DCC: variants seen among roughly 807,000 people sequenced by gnomAD.
DCC encodes DCC netrin 1 receptor, also known as netrin receptor DCC.
DCC carries 58 observed loss-of-function variants against 172.5 expected under a neutral mutation model. The observed-to-expected ratio is 0.34, with a 90% CI of 0.27 to 0.42. The LOEUF is 0.42. Ranked by LOEUF, DCC falls within the 10% of genes least tolerant of loss-of-function variation. The pLI, the probability that DCC is intolerant of heterozygous loss-of-function variation, is 1.00. For synonymous variants in DCC, 709 were observed against 644.5 expected (o/e 1.10, Z -1.52); for missense variants, 1,740 against 1,791.0 (o/e 0.97, Z 0.51).
At chr18:52,561,203 A>T in intron 1 of DCC, among the ~76,000 whole-genome samples, 1 of 152,038 alleles carries the variant, frequency 6.6e-6, no homozygotes, top group East Asian at 1.9e-4. Flanking sequence ...TGAATGCCTA[A>T]ATATGATTTA....
intron 1 of DCC, among the ~76,000 whole-genome samples, chr18:52,530,700 A>C (rs1172782277): frequency 6.6e-6 from 1 of 152,220 alleles, no homozygotes; most frequent in African/African-American, 2.4e-5. Context: ...ATATGTCTTC[A>C]TTATCTTTAT....
At chr18:52,865,826 T>C (rs1220709042) in intron 2 of DCC, among the ~76,000 whole-genome samples, 1 of 152,174 alleles carries the variant, frequency 6.6e-6, no homozygotes, top group Non-Finnish European at 1.5e-5. Flanking sequence ...CAACTTGGCT[T>C]CCTTTCTTCC....
chr18:53,159,595 A>G (rs2054801699), intron 8 of DCC, among the ~76,000 whole-genome samples: 1 of 152,176 alleles, frequency 6.6e-6, no homozygotes, highest in South Asian at 2.1e-4. Flanking sequence ...CTGCTATACA[A>G]ATATATGCAC....
intron 25 of DCC, among the ~76,000 whole-genome samples, chr18:53,481,651 C>T (rs1031784515): frequency 1.3e-5 from 2 of 152,178 alleles, no homozygotes; most frequent in South Asian, 2.1e-4. Context: ...TTGTCTCCTT[C>T]GTCTCCTCAA....
At chr18:53,011,458 A>G (rs1161358396) in intron 5 of DCC, among the ~76,000 whole-genome samples, 3 of 151,734 alleles carry the variant, frequency 2.0e-5, no homozygotes, top group Non-Finnish European at 4.4e-5. Context: ...GATTTTGCAA[A>G]GAGGGTTACA....
intron 1 of DCC, among the ~76,000 whole-genome samples, chr18:52,368,188 T>C (rs1376836828): frequency 1.3e-5 from 2 of 152,226 alleles, no homozygotes; most frequent in African/African-American, 4.8e-5. Flanking sequence ...GAAGGAGTAG[T>C]CACGAGGTGC....
intron 3 of DCC, among the ~76,000 whole-genome samples, chr18:52,910,034 C>A (rs768768134): frequency 6.6e-6 from 1 of 151,912 alleles, no homozygotes; most frequent in Non-Finnish European, 1.5e-5. Flanking sequence ...AGGCAGGAAG[C>A]GATAAAGGGG....
intron 12 of DCC, among the ~76,000 whole-genome samples, chr18:53,266,948 T>C (rs1444509947): frequency 6.6e-6 from 1 of 152,120 alleles, no homozygotes; most frequent in African/African-American, 2.4e-5. Context: ...GGGCTGTTTT[T>C]ACATTTTTAC....
intron 5 of DCC, among the ~76,000 whole-genome samples, chr18:52,937,436 C>T (rs1353750990): frequency 1.3e-5 from 2 of 152,136 alleles, no homozygotes; most frequent in African/African-American, 4.8e-5. Context: ...TTCCCATTTT[C>T]CACTGTAAGC....
chr18:52,824,620 C>T (rs77924276), intron 2 of DCC, among the ~76,000 whole-genome samples: 7,713 of 152,112 alleles, frequency 0.051, 291 homozygotes, highest in South Asian at 0.17. Context: ...TTTTGAACTG[C>T]TATAGTTTTA....
chr18:53,290,445 T>C (rs919184748), intron 12 of DCC, among the ~76,000 whole-genome samples: 3 of 152,236 alleles, frequency 2.0e-5, no homozygotes, highest in Non-Finnish European at 2.9e-5. Flanking sequence ...ATAAGTACTC[T>C]GTAATTACTG....
At chr18:53,314,804 G>A (rs1227262109) in intron 13 of DCC, among the ~76,000 whole-genome samples, 2 of 152,090 alleles carry the variant, frequency 1.3e-5, no homozygotes, top group Non-Finnish European at 2.9e-5. Context: ...ATCTCTACAG[G>A]ATGCTAAAAC....
intron 12 of DCC, among the ~76,000 whole-genome samples, chr18:53,292,398 C>T (rs370312940): frequency 6.6e-6 from 1 of 152,040 alleles, no homozygotes; most frequent in East Asian, 1.9e-4. Flanking sequence ...TTAAAAAAAA[C>T]CACCTCAGCC....
intron 25 of DCC, among the ~76,000 whole-genome samples, chr18:53,485,166 G>C (rs1044888638): frequency 7.9e-5 from 12 of 151,996 alleles, no homozygotes; most frequent in African/African-American, 2.9e-4. Context: ...GTCACAAAAA[G>C]TAACTGTGAG....
At chr18:53,210,837 A>T (rs2144566531) in intron 11 of DCC, among the ~76,000 whole-genome samples, 1 of 152,116 alleles carries the variant, frequency 6.6e-6, no homozygotes, top group South Asian at 2.1e-4. Context: ...GCTTGTAAAG[A>T]TCTTTGTCCA....
chr18:52,457,964 T>G (rs1013074072), intron 1 of DCC, among the ~76,000 whole-genome samples: 13 of 151,918 alleles, frequency 8.6e-5, no homozygotes, highest in Non-Finnish European at 2.9e-5. Context: ...CAGAGCAAAG[T>G]GGGTCTGTCC....
At chr18:53,301,017 CTT>C (rs1054300116) in intron 12 of DCC, among the ~76,000 whole-genome samples, 10 of 139,304 alleles carry the variant, frequency 7.2e-5, no homozygotes, top group African/African-American at 2.9e-4. Context: ...TCTTTTCACT[CTT>C]TCTTTTCTTT....
At chr18:52,360,926 C>G (rs1020064856) in intron 1 of DCC, among the ~76,000 whole-genome samples, 1 of 152,054 alleles carries the variant, frequency 6.6e-6, no homozygotes, top group East Asian at 1.9e-4. Flanking sequence ...GTAAGTGGAC[C>G]CATCTATGAA....
At chr18:52,362,987 C>T (rs1186360920) in intron 1 of DCC, among the ~76,000 whole-genome samples, 1 of 152,140 alleles carries the variant, frequency 6.6e-6, no homozygotes, top group Non-Finnish European at 1.5e-5. Context: ...CAACCTCTGC[C>T]TTCCGGGTTC....
Sources: allele counts gnomAD v4.1 joint callset (sites outside exome capture counted in the v4.1 genomes callset), GRCh38; gene constraint gnomAD v4.1.1; transcripts MANE v1.5; gene names NCBI Gene and HGNC (gene_info 2026-07-23, HGNC 2026-07-21).